The following ZNF208 variants were observed in gnomAD, a reference collection of about 807,000 sequenced individuals.
ZNF208 encodes zinc finger protein 95.
A neutral mutation model predicts 12.1 loss-of-function variants in ZNF208; 10 were observed. That is an observed-to-expected ratio of 0.83 (90% CI 0.51 to 1.40). ZNF208 has a LOEUF of 1.40. ZNF208 is among the 40% of genes most tolerant of loss of function. ZNF208 has a pLI of 0.00. For synonymous variants in ZNF208, 497 were observed against 488.4 expected, an observed-to-expected ratio of 1.02 and a Z score of -0.23; for missense variants, 1,652 against 1,485.0, an observed-to-expected ratio of 1.11 and a Z score of -1.85.
chr19:21,956,110 CCT>C (rs1331402662), intron 4 of ZNF208, among the ~76,000 whole-genome samples: 2 of 152,192 alleles, frequency 1.3e-5, no homozygotes, highest in Non-Finnish European at 2.9e-5. Context: ...CACTCCAGAC[CCT>C]GTTTGCCTGG....
At chr19:21,999,902 T>C (rs1231692146) in intron 1 of ZNF208, among the ~76,000 whole-genome samples, 3 of 152,206 alleles carry the variant, frequency 2.0e-5, no homozygotes, top group South Asian at 2.1e-4. Context: ...TTATTTCTAA[T>C]TTATATTTTG....
At chr19:21,945,939 C>A (rs1478905898) in intron 4 of ZNF208, among the ~76,000 whole-genome samples, 4 of 151,456 alleles carry the variant, frequency 2.6e-5, no homozygotes, top group Admixed American at 2.0e-4. Flanking sequence ...GTTAAGGGAA[C>A]TAGCACAGGG....
At chr19:21,977,520 A>G (rs2145556143) in intron 3 of ZNF208, among the ~76,000 whole-genome samples, 1 of 152,296 alleles carries the variant, frequency 6.6e-6, no homozygotes, top group Admixed American at 6.5e-5. Flanking sequence ...TAGGGACTGT[A>G]CCATGAAGAA....
chr19:21,945,290 G>A (rs555326887), intron 4 of ZNF208, among the ~76,000 whole-genome samples: 5 of 152,184 alleles, frequency 3.3e-5, no homozygotes, highest in Middle Eastern at 3.4e-3. Flanking sequence ...GATGTACTGG[G>A]TATTCTGCAC....
At chr19:22,007,754 C>T (rs1436738199) in intron 1 of ZNF208, among the ~76,000 whole-genome samples, 2 of 151,930 alleles carry the variant, frequency 1.3e-5, no homozygotes, top group Non-Finnish European at 2.9e-5. Flanking sequence ...AATCCCAGCA[C>T]TTTGGGAGGC....
intron 4 of ZNF208, among the ~76,000 whole-genome samples, chr19:21,943,465 A>G (rs910014926): frequency 1.3e-5 from 2 of 152,212 alleles, no homozygotes; most frequent in African/African-American, 4.8e-5. Flanking sequence ...ATACTAATAA[A>G]AATGATTTAT....
chr19:21,963,385 G>C (rs1568438609), downstream of ZNF208, among the ~76,000 whole-genome samples: 2 of 151,926 alleles, frequency 1.3e-5, no homozygotes, highest in Admixed American at 1.3e-4. Flanking sequence ...AAGACTTTTT[G>C]AAGTTGGAGT....
chr19:21,964,883 A>C (rs1326009937), downstream of ZNF208, among the ~76,000 whole-genome samples: 1 of 151,948 alleles, frequency 6.6e-6, no homozygotes, highest in African/African-American at 2.4e-5. Flanking sequence ...TTATTTAATG[A>C]AGATATATAA....
chr19:21,964,960 C>A (rs532605542), downstream of ZNF208, among the ~76,000 whole-genome samples: 2 of 151,726 alleles, frequency 1.3e-5, no homozygotes, highest in Admixed American at 1.3e-4. Flanking sequence ...AAAATAAGTA[C>A]GAAAATTTAT....
chr19:21,953,571 C>G (rs1180489425), intron 4 of ZNF208, among the ~76,000 whole-genome samples: 2 of 152,102 alleles, frequency 1.3e-5, no homozygotes, highest in Non-Finnish European at 2.9e-5. Flanking sequence ...AACTTCATAA[C>G]TGAAGGAAAA....
intron 1 of ZNF208, among the ~76,000 whole-genome samples, chr19:22,002,240 TGAATGG>T (rs1359418912): frequency 6.6e-6 from 1 of 152,144 alleles, no homozygotes; most frequent in African/African-American, 2.4e-5. Flanking sequence ...GCCAATATAC[TGAATGG>T]ACAAAACCTG....
chr19:21,984,156 C>CA (rs985455007), intron 3 of ZNF208, among the ~76,000 whole-genome samples: 2 of 151,738 alleles, frequency 1.3e-5, no homozygotes, highest in African/African-American at 4.8e-5. Flanking sequence ...CCTCTTAAGC[C>CA]AAAAAAGAAG....
chr19:21,950,488 G>GTTT (rs1969872569), intron 4 of ZNF208, among the ~76,000 whole-genome samples: 1 of 128,028 alleles, frequency 7.8e-6, no homozygotes, highest in Admixed American at 7.8e-5. Context: ...GCCTAGCCCT[G>GTTT]TTCTTTTTTT....
At chr19:21,947,796 G>T (rs1053781195) in intron 4 of ZNF208, among the ~76,000 whole-genome samples, 2 of 152,168 alleles carry the variant, frequency 1.3e-5, no homozygotes, top group Non-Finnish European at 2.9e-5. Context: ...AGCCAAAAAT[G>T]GTATTAGGGC....
chr19:21,964,653 AATTAT>A (rs1439009369), downstream of ZNF208, among the ~76,000 whole-genome samples: 1 of 151,726 alleles, frequency 6.6e-6, no homozygotes, highest in Non-Finnish European at 1.5e-5. Context: ...TTTAACTTAG[AATTAT>A]ATTAAATTTT....
chr19:21,964,131 A>T (rs1366836423), downstream of ZNF208, among the ~76,000 whole-genome samples: 2 of 151,912 alleles, frequency 1.3e-5, no homozygotes, highest in Non-Finnish European at 2.9e-5. Context: ...ACCAATCAAA[A>T]ATACTACTAA....
At chr19:22,003,927 C>G (rs1970999761) in intron 1 of ZNF208, among the ~76,000 whole-genome samples, 1 of 151,634 alleles carries the variant, frequency 6.6e-6, no homozygotes, top group Non-Finnish European at 1.5e-5. Context: ...TCCAGCACTT[C>G]GGGGGATGAG....
Position 21,971,535 on chromosome 19 carries a change from T to C in ZNF208, c.3499A>G (p.Lys1167Glu), listed in dbSNP as rs1401717775. 9 of 1,610,882 alleles carry C rather than the reference T, an allele frequency of 5.6e-6. No individual in the cohort carries two copies. The South Asian group carries it at 9.9e-5, about 18-fold the overall frequency. Residue 1167 changes from lysine to glutamate, a missense_variant, in exon 4 of 4, where the codon AAA becomes GAA. By Grantham distance (56) the Lys-to-Glu change is moderately conservative. Transcript: ENST00000397126. ...SYHKKIHTVE[K>E]PYKCEECGKG... ...CCACATTCTTCACATTTGTAGGGTT[T>C]CTCTACAGTATGAATTTTCTTATGA... is the stretch of plus-strand genomic sequence containing the variant.
rs1970271289 is a variant in ZNF208 at position 21,971,115 on chromosome 19, T to C, written c.*76A>G. The C allele has an allele frequency of 6.2e-7, 1 of 1,613,358 alleles. No homozygotes were observed. Among genetic ancestry groups the C allele is most frequent in the Non-Finnish European group, 8.5e-7 (1 of 1,179,698 alleles). On this transcript the variant is annotated 3_prime_UTR_variant, in exon 4 of 4. Coordinates refer to ENST00000397126, the MANE Select transcript of ZNF208 (RefSeq NM_007153.3). ...CCACATTCTTCACATTTGTAGGGTTTCTCTCCAGTATGAATTTTCTTATGA... is the reference window on the plus strand; with the variant it reads ...CCACATTCTTCACATTTGTAGGGTTCCTCTCCAGTATGAATTTTCTTATGA...
Sources: allele counts gnomAD v4.1 joint callset (sites outside exome capture counted in the v4.1 genomes callset), GRCh38; gene constraint gnomAD v4.1.1; transcripts MANE v1.5; gene names NCBI Gene and HGNC (gene_info 2026-07-23, HGNC 2026-07-21).